MACROD2: variants seen among roughly 807,000 people sequenced by gnomAD.
MACROD2 encodes the protein mono-ADP ribosylhydrolase 2.
MACROD2 carries 36 observed loss-of-function variants against 70.4 expected under a neutral mutation model. The observed-to-expected ratio is 0.51, with a 90% confidence interval of 0.39 to 0.68. The LOEUF (loss-of-function observed/expected upper bound fraction) is 0.68. Among genes scored for constraint, MACROD2 ranks in the 30% least tolerant of loss-of-function variants. MACROD2 has a pLI of 0.00. For synonymous variants in MACROD2, 172 were observed against 178.8 expected (o/e 0.96, Z 0.30); for missense variants, 496 against 538.4 (o/e 0.92, Z 0.78).
chr20:15,457,290 G>A (rs1484034925), intron 7 of MACROD2, among the ~76,000 whole-genome samples: 5 of 151,930 alleles, frequency 3.3e-5, no homozygotes, highest in African/African-American at 7.2e-5. Context: ...ATTTTGAGGA[G>A]CTAAAATGGT....
At chr20:14,174,016 T>C (rs1326729677) in intron 3 of MACROD2, among the ~76,000 whole-genome samples, 2 of 152,150 alleles carry the variant, frequency 1.3e-5, no homozygotes, top group Non-Finnish European at 2.9e-5. Context: ...CCTGCTATGA[T>C]TGAGGTTCCA....
chr20:14,840,058 A>G (rs1275362646), intron 5 of MACROD2, among the ~76,000 whole-genome samples: 1 of 138,336 alleles, frequency 7.2e-6, no homozygotes, highest in Non-Finnish European at 1.5e-5. Context: ...CTTTTTTGAG[A>G]TGGAGTTTCA....
intron 8 of MACROD2, among the ~76,000 whole-genome samples, chr20:15,639,299 T>C (rs533970782): frequency 5.3e-4 from 81 of 152,328 alleles, no homozygotes; most frequent in Admixed American, 6.5e-4. Context: ...TAGAGACAGA[T>C]TGAAGAATTC....
chr20:14,684,694 G>A, intron 4 of MACROD2, 149 bp from the exon 5 acceptor site: 1 of 491,268 alleles, frequency 2.0e-6, no homozygotes, highest in Non-Finnish European at 3.8e-6. Flanking sequence ...ACAAGCTAGT[G>A]TTTGAAACAT....
chr20:14,222,494 G>T (rs1254608360), intron 3 of MACROD2, among the ~76,000 whole-genome samples: 1 of 152,076 alleles, frequency 6.6e-6, no homozygotes, highest in Non-Finnish European at 1.5e-5. Context: ...AAGTGTGAGG[G>T]GATGGGAGGA....
intron 4 of MACROD2, among the ~76,000 whole-genome samples, chr20:14,610,001 A>T (rs188749084): frequency 6.6e-5 from 10 of 152,244 alleles, no homozygotes; most frequent in Admixed American, 5.2e-4. Context: ...TGTATACCGC[A>T]GGGTTTTACA....
At chr20:15,393,921 T>C (rs1356804375) in intron 6 of MACROD2, among the ~76,000 whole-genome samples, 2 of 152,176 alleles carry the variant, frequency 1.3e-5, no homozygotes, top group African/African-American at 4.8e-5. Flanking sequence ...CATATGCATG[T>C]ACCCTTGCCT....
intron 5 of MACROD2, among the ~76,000 whole-genome samples, chr20:15,009,772 ATT>A (rs79069561): frequency 4.2e-4 from 49 of 117,814 alleles, no homozygotes; most frequent in African/African-American, 4.9e-4. Flanking sequence ...CCACCTCCCT[ATT>A]TTTTTTTTTT....
chr20:15,847,242 G>A lies in MACROD2; in HGVS notation c.646-15503G>A, dbSNP rs148624512. On this transcript the variant is annotated intron_variant, in intron 8 of 17. Coordinates refer to ENST00000684519, the MANE Select transcript of MACROD2 (RefSeq NM_001351661.2). Reference sequence around the variant, plus strand: ...AATAAATCATTCGGCTAAGCCCATGGAACAAATTCATACTTAAGGTAGATG... The same window carrying A: ...AATAAATCATTCGGCTAAGCCCATGAAACAAATTCATACTTAAGGTAGATG... Among the ~76,000 whole-genome samples, 423 of 152,202 alleles carry A rather than the reference G, an allele frequency of 2.8e-3. 1 individual carries two copies. The highest frequency in any genetic ancestry group is 8.1e-3 in the South Asian group (39 of 4,824).
chr20:15,007,811 A>G (rs763755973), intron 5 of MACROD2, among the ~76,000 whole-genome samples: 3 of 152,224 alleles, frequency 2.0e-5, no homozygotes, highest in African/African-American at 4.8e-5. Context: ...TCTCAGGGAC[A>G]TTGCTTCAGG....
intron 5 of MACROD2, among the ~76,000 whole-genome samples, chr20:14,876,180 A>G (rs1421141963): frequency 6.6e-6 from 1 of 152,092 alleles, no homozygotes; most frequent in Non-Finnish European, 1.5e-5. Context: ...CTGGTGTGAA[A>G]TGGTATCTCA....
chr20:14,657,973 TAAA>T (rs71753036), intron 4 of MACROD2, among the ~76,000 whole-genome samples: 23 of 134,910 alleles, frequency 1.7e-4, no homozygotes, highest in African/African-American at 4.5e-4. Flanking sequence ...TGGACATAGT[TAAA>T]AAAAAAAAAA....
intron 8 of MACROD2, among the ~76,000 whole-genome samples, chr20:15,644,268 A>T (rs1431726947): frequency 6.6e-6 from 1 of 152,172 alleles, no homozygotes; most frequent in Non-Finnish European, 1.5e-5. Context: ...CACCTCCAGC[A>T]TCTAAACCTC....
intron 8 of MACROD2, among the ~76,000 whole-genome samples, chr20:15,745,366 C>T (rs1170829974): frequency 6.6e-6 from 1 of 152,220 alleles, no homozygotes; most frequent in South Asian, 2.1e-4. Flanking sequence ...ACTCTGAAGC[C>T]AAGCATTTTT....
In MACROD2 at chr20:14,735,967, G is replaced by A. The variant is rs551571363; in HGVS notation, c.418+51008G>A. ...TTACCATATGATCCAGCAATTCTACGCCTAGATATAGATGCCAAAGAACTG... is the reference window on the plus strand; with the variant it reads ...TTACCATATGATCCAGCAATTCTACACCTAGATATAGATGCCAAAGAACTG... On this transcript the variant is annotated intron_variant, in intron 5 of 17. Coordinates refer to ENST00000684519, the MANE Select transcript of MACROD2 (RefSeq NM_001351661.2). Among the ~76,000 whole-genome samples the A allele has an allele frequency of 3.0e-4, 46 of 152,156 alleles. 1 individual carries two copies. The highest frequency in any genetic ancestry group is 2.1e-3 in the South Asian group (10 of 4,820).
Position 15,411,727 on chromosome 20 carries a change from G to A in MACROD2, c.541-19678G>A, listed in dbSNP as rs138815227. Reference sequence around the variant, plus strand: ...TGAGTTTTAGACTCTGTATGCAGCTGGGGAAAAAGTATGACCTACTGGGAA... The same window carrying A: ...TGAGTTTTAGACTCTGTATGCAGCTAGGGAAAAAGTATGACCTACTGGGAA... On this transcript the variant is annotated intron_variant, in intron 6 of 17. Transcript: ENST00000684519. Among the ~76,000 whole-genome samples the A allele has an allele frequency of 3.6e-4, 55 of 152,302 alleles. 1 individual carries two copies. The highest frequency in any genetic ancestry group is 1.3e-3 in the African/African-American group (52 of 41,574).
At chr20:15,871,331 A>G (rs2064580507) in intron 9 of MACROD2, among the ~76,000 whole-genome samples, 1 of 152,176 alleles carries the variant, frequency 6.6e-6, no homozygotes, top group African/African-American at 2.4e-5. Flanking sequence ...GCTCTTTAAA[A>G]GCAAACAAAA....
At chr20:14,432,460 G>C (rs1324836827) in intron 3 of MACROD2, among the ~76,000 whole-genome samples, 1 of 150,304 alleles carries the variant, frequency 6.7e-6, no homozygotes, top group Non-Finnish European at 1.5e-5. Context: ...AGTAGTATCT[G>C]TCTAACATGT....
chr20:14,931,627 G>A (rs2074296409), intron 5 of MACROD2, among the ~76,000 whole-genome samples: 1 of 152,108 alleles, frequency 6.6e-6, no homozygotes, highest in South Asian at 2.1e-4. Context: ...TTTTTAAAAA[G>A]TAAACATACA....
Sources: gnomAD v4.1 joint callset for allele counts (sites outside exome capture counted in the v4.1 genomes callset) on GRCh38, gnomAD v4.1.1 for gene constraint, MANE v1.5 for transcripts, NCBI Gene and HGNC (gene_info 2026-07-23, HGNC 2026-07-21) for gene names.